ASB7: variants seen among roughly 807,000 people sequenced by gnomAD.
ASB7 encodes ankyrin repeat and SOCS box containing 7.
ASB7 carries 4 observed loss-of-function variants against 32.5 expected under a neutral mutation model. The observed-to-expected ratio is 0.12, with a 90% CI of 0.06 to 0.28. The LOEUF (loss-of-function observed/expected upper bound fraction) is 0.28. Ranked by LOEUF, ASB7 falls within the 10% of genes least tolerant of loss-of-function variation. ASB7 has a pLI of 1.00. For synonymous variants in ASB7, 172 were observed against 155.6 expected, an observed-to-expected ratio of 1.11 and a Z score of -0.78; for missense variants, 181 against 407.1, an observed-to-expected ratio of 0.44 and a Z score of 4.78.
chr15:100,635,479 C>T (rs2039915795), intron 5 of ASB7, among the ~76,000 whole-genome samples: 1 of 152,114 alleles, frequency 6.6e-6, no homozygotes, highest in Non-Finnish European at 1.5e-5. Context: ...TTTTGTTAAT[C>T]TGGCTGTGAA....
At chr15:100,607,945 C>T (rs1462975783) in intron 2 of ASB7, among the ~76,000 whole-genome samples, 2 of 152,244 alleles carry the variant, frequency 1.3e-5, no homozygotes, top group Non-Finnish European at 2.9e-5. Flanking sequence ...CTCATGCCGT[C>T]TTCCCTGACA....
In ASB7 at chr15:100,631,497, C is replaced by T. The variant is rs145965932; in HGVS notation, c.817+1455C>T. ...ACGTGATACCCGCAGTGCTGCAGTC[C>T]TGCTTGCCTTGTTGTTGTTCTCTCA... is the stretch of plus-strand genomic sequence containing the variant. On this transcript the variant is annotated intron_variant, in intron 5 of 5. Transcript: ENST00000332783. Among the ~76,000 whole-genome samples the T allele has an allele frequency of 1.8e-3, 280 of 152,284 alleles. 5 individuals carry two copies. In the East Asian group the frequency reaches 0.036, roughly 20 times the overall value.
Position 100,646,126 on chromosome 15 carries a change from A to G in ASB7, c.818-2197A>G, listed in dbSNP as rs118001786. 3,971 of 401,606 alleles carry G rather than the reference A, an allele frequency of 9.9e-3. 30 individuals carry two copies. Among genetic ancestry groups the G allele is most frequent in the Non-Finnish European group, 0.015 (2,957 of 202,944 alleles). The allele number at this position is 401,606 out of a possible 1,614,324, so 24.9% of individuals were successfully genotyped here. ...ACTTGGGCAGCAGCATAGGGTTTTC[A>G]CTTTGTTTCTCTGGACATTCCACTC... On this transcript the variant is annotated intron_variant, in intron 5 of 5. Transcript: ENST00000332783.
chr15:100,617,478 C>G (rs907539775), intron 4 of ASB7, among the ~76,000 whole-genome samples: 3 of 152,186 alleles, frequency 2.0e-5, no homozygotes, highest in Non-Finnish European at 4.4e-5. Context: ...CTCCCCACCC[C>G]TGCCCCATCA....
In ASB7 at chr15:100,648,699, GT is replaced by G. The variant is rs377385107; in HGVS notation, c.*240del. On this transcript the variant is annotated 3_prime_UTR_variant, in exon 6 of 6. Coordinates refer to ENST00000332783, the MANE Select transcript of ASB7 (RefSeq NM_198243.3). ...GTCTTAATTTGGTTTCTTGGTCCAA[GT>G]TTAAGAGGTCCAAGCTTTGTATACA... The G allele has an allele frequency of 1.3e-3, 467 of 371,114 alleles. 2 individuals carry two copies. The highest frequency in any genetic ancestry group is 8.7e-3 in the African/African-American group (415 of 47,466). The allele number at this position is 371,114 out of a possible 1,614,324, so 23.0% of individuals were successfully genotyped here.
intron 4 of ASB7, among the ~76,000 whole-genome samples, chr15:100,618,114 T>C (rs1047657435): frequency 2.0e-5 from 3 of 152,156 alleles, no homozygotes; most frequent in African/African-American, 7.2e-5. Flanking sequence ...TTCTTTTCTT[T>C]TTTATTTATT....
At chr15:100,618,774 C>T (rs774879589) in intron 4 of ASB7, among the ~76,000 whole-genome samples, 2 of 151,986 alleles carry the variant, frequency 1.3e-5, no homozygotes, top group Non-Finnish European at 2.9e-5. Context: ...AGGGTTGGGC[C>T]CCAAGATGCA....
chr15:100,628,637 A>G (rs1035315192), intron 4 of ASB7, among the ~76,000 whole-genome samples: 10 of 152,206 alleles, frequency 6.6e-5, no homozygotes, highest in African/African-American at 2.4e-4. Context: ...TGGCTTAATG[A>G]AAGATCTGAG....
intron 2 of ASB7, among the ~76,000 whole-genome samples, chr15:100,606,747 CT>C (rs557939701): frequency 6.6e-6 from 1 of 151,194 alleles, no homozygotes; most frequent in African/African-American, 2.4e-5. Context: ...TGTTTGTTTG[CT>C]TTTTTTTTCC....
intron 5 of ASB7, among the ~76,000 whole-genome samples, chr15:100,630,596 G>A (rs1476283184): frequency 1.3e-5 from 2 of 152,210 alleles, no homozygotes; most frequent in Non-Finnish European, 1.5e-5. Context: ...ATTGTTGTAA[G>A]AAAATATTTG....
intron 5 of ASB7, among the ~76,000 whole-genome samples, chr15:100,633,305 A>C (rs1314807787): frequency 6.6e-6 from 1 of 151,884 alleles, no homozygotes; most frequent in Non-Finnish European, 1.5e-5. Context: ...GGCTGGGCGC[A>C]GTGGCTCATG....
Position 100,622,500 on chromosome 15 carries a change from G to C in ASB7, c.212-6937G>C, listed in dbSNP as rs566394793. Among the ~76,000 whole-genome samples, 120 of 152,262 alleles carry C rather than the reference G, an allele frequency of 7.9e-4. 1 individual carries two copies. The highest frequency in any genetic ancestry group is 2.6e-3 in the African/African-American group (110 of 41,560). On this transcript the variant is annotated intron_variant, in intron 4 of 5. Transcript: ENST00000332783. ...CCAAAAAAGAGCCCAAATAGCTGAA[G>C]CAATCCTGAGCAAAAGGGACAAAGC...
intron 5 of ASB7, among the ~76,000 whole-genome samples, chr15:100,638,172 A>C (rs1264413842): frequency 6.6e-6 from 1 of 152,242 alleles, no homozygotes; most frequent in African/African-American, 2.4e-5. Context: ...CCCTAAAATC[A>C]GATTTTTAAG....
intron 5 of ASB7, 46 bp downstream of exon 5, chr15:100,630,088 A>G (rs1200712171): frequency 6.7e-7 from 1 of 1,484,644 alleles, no homozygotes; most frequent in East Asian, 2.4e-5. Flanking sequence ...AAAAATTTGC[A>G]TCTTCTGAGG....
chr15:100,651,561 T>C lies in ASB7; in HGVS notation c.*3099T>C, dbSNP rs886872826. On this transcript the variant is annotated 3_prime_UTR_variant, in exon 6 of 6. Coordinates refer to ENST00000332783, the MANE Select transcript of ASB7 (RefSeq NM_198243.3). The stretch of plus-strand genomic sequence containing the variant: ...GAGTGCTCATGAGCCCAGAATGTGA[T>C]TGGGATAAGGCCATTTGCCCACAAA... 1 of 152,208 alleles carries C rather than the reference T, an allele frequency of 6.6e-6. No homozygotes were observed. The highest frequency in any genetic ancestry group is 2.4e-5 in the African/African-American group (1 of 41,450). 9.4% of individuals were successfully genotyped at this position (152,208 alleles called of 1,614,324 possible).
At chr15:100,631,687 A>G (rs1161838797) in intron 5 of ASB7, among the ~76,000 whole-genome samples, 2 of 152,148 alleles carry the variant, frequency 1.3e-5, no homozygotes, top group East Asian at 3.9e-4. Flanking sequence ...ACTCTATCCC[A>G]TGTTAGCTGT....
At chr15:100,636,988 G>A (rs1450886381) in intron 5 of ASB7, among the ~76,000 whole-genome samples, 3 of 152,138 alleles carry the variant, frequency 2.0e-5, no homozygotes, top group Admixed American at 6.5e-5. Context: ...GGTACTGGTC[G>A]TTGTTCCCCG....
rs1036964177 is a variant in ASB7 at position 100,612,274 on chromosome 15, G to T, written c.58G>T (p.Ala20Ser). The change falls in exon 4 of 6, where the codon GCC (alanine) becomes TCC (serine). Residue 20 changes from alanine to serine, a missense_variant. Transcript: ENST00000332783. The stretch of plus-strand genomic sequence containing the variant: ...GCTCCAGGAAGAGTTGCAGATTCAG[G>T]CCGCGGTGGCTGCTGGGGATGTCCA... The part of the protein sequence containing the change: ...PELQEELQIQ[A>S]AVAAGDVHTV... The T allele has an allele frequency of 6.2e-7, 1 of 1,614,180 alleles. No homozygotes were observed. Among genetic ancestry groups the T allele is most frequent in the Non-Finnish European group, 8.5e-7 (1 of 1,180,026 alleles).
rs956506170 is a variant in ASB7 at position 100,645,735 on chromosome 15, C to T, written c.818-2588C>T. On this transcript the variant is annotated intron_variant, in intron 5 of 5. Transcript: ENST00000332783. ...AGTCTGATATGCCTATCTGTGCTTC[C>T]AGATGCTAAACATTTACAAAGTGGA... 9 of 1,582,712 alleles carry T rather than the reference C, an allele frequency of 5.7e-6. No homozygotes were observed. The Admixed American group carries it at 6.7e-5, about 12-fold the overall frequency.
Sources: allele counts gnomAD v4.1 joint callset (sites outside exome capture counted in the v4.1 genomes callset), GRCh38; gene constraint gnomAD v4.1.1; transcripts MANE v1.5; gene names NCBI Gene and HGNC (gene_info 2026-07-23, HGNC 2026-07-21).